GREB1L: variants seen among roughly 807,000 people sequenced by gnomAD.
GREB1L encodes the protein GREB1 like retinoic acid receptor coactivator.
GREB1L carries 17 observed loss-of-function variants against 200.8 expected under a neutral mutation model. That is an observed-to-expected ratio of 0.08 (90% CI 0.06 to 0.13). GREB1L has a LOEUF of 0.13. Ranked by LOEUF, GREB1L falls within the 10% of genes least tolerant of loss-of-function variation. GREB1L has a pLI of 1.00. For missense variants in GREB1L, 1,657 were observed against 2,367.7 expected (o/e 0.70, Z 6.23); for synonymous variants, 789 against 893.0 (o/e 0.88, Z 2.08).
chr18:21,464,716 A>G (rs2035199563), intron 15 of GREB1L, among the ~76,000 whole-genome samples: 1 of 152,162 alleles, frequency 6.6e-6, no homozygotes, highest in Admixed American at 6.5e-5. Flanking sequence ...TATGAGACAA[A>G]CTGACATTAT....
chr18:21,348,634 G>T (rs2039388470), intron 1 of GREB1L, among the ~76,000 whole-genome samples: 1 of 152,056 alleles, frequency 6.6e-6, no homozygotes, highest in African/African-American at 2.4e-5. Flanking sequence ...AATTAGCCAG[G>T]CGTAGTGGCA....
intron 1 of GREB1L, among the ~76,000 whole-genome samples, chr18:21,290,740 G>T (rs535767003): frequency 6.7e-6 from 1 of 150,344 alleles, no homozygotes; most frequent in African/African-American, 2.5e-5. Flanking sequence ...AGGAGAAATC[G>T]CTTGAACCTG....
intron 1 of GREB1L, among the ~76,000 whole-genome samples, chr18:21,254,421 C>T (rs142349387): frequency 5.3e-4 from 81 of 152,050 alleles, no homozygotes; most frequent in East Asian, 1.2e-3. Flanking sequence ...GTTTTTCACG[C>T]GTATCATTTT....
chr18:21,433,731 G>A (rs2033328620), intron 7 of GREB1L, among the ~76,000 whole-genome samples: 1 of 152,190 alleles, frequency 6.6e-6, no homozygotes, highest in South Asian at 2.1e-4. Context: ...GTTGTGGGAT[G>A]AATAATTTTC....
intron 1 of GREB1L, among the ~76,000 whole-genome samples, chr18:21,253,419 T>A (rs1350027619): frequency 1.3e-5 from 2 of 151,802 alleles, no homozygotes. Context: ...CCTGGCTAAT[T>A]TTTGTATTTT....
At chr18:21,426,661 CAAGATT>C (rs1169108095) in intron 7 of GREB1L, among the ~76,000 whole-genome samples, 1 of 151,996 alleles carries the variant, frequency 6.6e-6, no homozygotes, top group East Asian at 1.9e-4. Flanking sequence ...TTTTCTTTTT[CAAGATT>C]GTTTTCGCTG....
At chr18:21,406,065 A>AT (rs1474298952) in intron 7 of GREB1L, among the ~76,000 whole-genome samples, 1 of 151,698 alleles carries the variant, frequency 6.6e-6, no homozygotes, top group Non-Finnish European at 1.5e-5. Context: ...GTCTAAAAAA[A>AT]AAAAAAAAAA....
In GREB1L at chr18:21,395,419, A is replaced by G. The variant is rs555628599; in HGVS notation, c.390A>G (p.Val130=). 2 of 1,550,552 alleles carry G rather than the reference A, an allele frequency of 1.3e-6. No homozygotes were observed. Among genetic ancestry groups the G allele is most frequent in the African/African-American group, 2.7e-5 (2 of 73,080 alleles). The change falls in exon 5 of 33, where the codon GTA becomes GTG. Residue 130 remains valine (V), a synonymous_variant. Transcript: ENST00000424526. The part of the protein sequence containing the change: ...FCQAGKDLRL[V]SLCMEQIDIP... ...AAGCAGGAAAGGATTTGCGTTTGGT[A>G]TCACTGTGTATGGAACAAATTGACA...
At chr18:21,514,072 AAGAG>A (rs2037332656) in intron 28 of GREB1L, 86 bp downstream of exon 28, 8 of 1,310,370 alleles carry the variant, frequency 6.1e-6, no homozygotes, top group South Asian at 4.6e-5. Context: ...GGAAGTAAGA[AAGAG>A]AGAGACAGCT....
At chr18:21,353,988 C>G (rs2039470628) in intron 1 of GREB1L, among the ~76,000 whole-genome samples, 1 of 152,008 alleles carries the variant, frequency 6.6e-6, no homozygotes, top group Non-Finnish European at 1.5e-5. Context: ...AGGGTTTTAC[C>G]GTGTTGGCCA....
intron 17 of GREB1L, among the ~76,000 whole-genome samples, chr18:21,479,250 T>C (rs1490766828): frequency 1.3e-5 from 2 of 152,154 alleles, no homozygotes; most frequent in Non-Finnish European, 2.9e-5. Context: ...TATATTGGAG[T>C]GTAGAGACAA....
At chr18:21,379,564 A>G (rs911362631) in intron 2 of GREB1L, among the ~76,000 whole-genome samples, 2 of 152,200 alleles carry the variant, frequency 1.3e-5, no homozygotes, top group African/African-American at 4.8e-5. Flanking sequence ...ATAGATTAAG[A>G]GGCAGCAATA....
In GREB1L at chr18:21,242,327, G is replaced by A. The variant is rs1465568718; in HGVS notation, c.-186G>A. 1.3e-5 allele frequency: 2 copies of A among 152,160 alleles called. No homozygotes were observed. Among genetic ancestry groups the A allele is most frequent in the Non-Finnish European group, 2.9e-5 (2 of 68,136 alleles). The allele number at this position is 152,160 out of a possible 1,614,324, so 9.4% of individuals were successfully genotyped here. A position where few individuals can be genotyped will look rare whatever the true frequency, so the allele number is the denominator to read the frequency against. On this transcript the variant is annotated 5_prime_UTR_variant, in exon 1 of 33. Transcript: ENST00000424526. ...GCGCAGGGAACGGCACTGGGGGTGG[G>A]GAGACCAGCCCGGCCGAGCCGAGGG...
intron 14 of GREB1L, 21 bp downstream of exon 14, chr18:21,452,238 G>A (rs2034561919): frequency 3.2e-6 from 5 of 1,549,952 alleles, no homozygotes; most frequent in South Asian, 1.2e-5. Flanking sequence ...CTCAGACCAA[G>A]AGGAGGAAGT....
intron 1 of GREB1L, among the ~76,000 whole-genome samples, chr18:21,296,716 G>A (rs1395929269): frequency 9.9e-5 from 15 of 151,048 alleles, no homozygotes; most frequent in South Asian, 2.1e-4. Flanking sequence ...GTGCAGTGGC[G>A]TGATCTCAGC....
At chr18:21,270,130 T>C (rs371589264) in intron 1 of GREB1L, among the ~76,000 whole-genome samples, 10 of 152,270 alleles carry the variant, frequency 6.6e-5, no homozygotes, top group South Asian at 2.1e-4. Context: ...ACTTTGGAGA[T>C]TGATGAAAAC....
At chr18:21,376,719 G>A (rs533941664) in intron 2 of GREB1L, among the ~76,000 whole-genome samples, 1 of 150,822 alleles carries the variant, frequency 6.6e-6, no homozygotes, top group South Asian at 2.1e-4. Flanking sequence ...GCAGGAGAGT[G>A]GTGTGAATCC....
chr18:21,462,309 T>G (rs373608372), intron 15 of GREB1L, among the ~76,000 whole-genome samples: 20 of 152,368 alleles, frequency 1.3e-4, no homozygotes, highest in East Asian at 1.2e-3. Flanking sequence ...AGAATAAAAG[T>G]GACGTTTCTT....
intron 28 of GREB1L, among the ~76,000 whole-genome samples, chr18:21,514,822 G>C (rs2037361854): frequency 6.6e-6 from 1 of 152,148 alleles, no homozygotes; most frequent in Non-Finnish European, 1.5e-5. Flanking sequence ...TTACGCCTGG[G>C]CCAAAATCAG....
Sources: gnomAD v4.1 joint callset for allele counts (sites outside exome capture counted in the v4.1 genomes callset) on GRCh38, gnomAD v4.1.1 for gene constraint, MANE v1.5 for transcripts, NCBI Gene and HGNC (gene_info 2026-07-23, HGNC 2026-07-21) for gene names.